The following GNG7 variants were observed in gnomAD, a reference collection of about 807,000 sequenced individuals.
The protein encoded by GNG7 is G protein subunit gamma 7.
In GNG7, 1 loss-of-function variant was observed where a neutral mutation model predicts 4.0. The ratio of observed to expected loss-of-function variants is 0.25; its 90% CI spans 0.09 to 1.18. The LOEUF is 1.18. GNG7 is among the 50% of genes most tolerant of loss of function. The pLI is 0.50. For missense variants in GNG7, 86 were observed against 91.9 expected (o/e 0.94, Z 0.26); for synonymous variants, 34 against 36.9 (o/e 0.92, Z 0.29).
intron 2 of GNG7, among the ~76,000 whole-genome samples, chr19:2,596,672 C>A (rs1329890367): frequency 1.4e-5 from 2 of 146,108 alleles, no homozygotes; most frequent in Non-Finnish European, 3.0e-5. Context: ...CTGTCCCCCC[C>A]CCAAAAAAAA....
intron 2 of GNG7, among the ~76,000 whole-genome samples, chr19:2,584,950 A>T (rs1219626421): frequency 1.6e-5 from 1 of 64,314 alleles, no homozygotes; most frequent in Admixed American, 1.7e-4. Flanking sequence ...GAGGGAGGGA[A>T]GGAAGGAAAG....
intron 2 of GNG7, among the ~76,000 whole-genome samples, chr19:2,584,575 C>T (rs944355894): frequency 5.2e-5 from 7 of 134,142 alleles, no homozygotes; most frequent in African/African-American, 1.7e-4. Flanking sequence ...CCAGCCTGGG[C>T]GACAGGGCAG....
chr19:2,650,820 G>A lies in GNG7; in HGVS notation c.-134-4540C>T, dbSNP rs941631676. Among the ~76,000 whole-genome samples, 11 of 152,304 alleles carry A rather than the reference G, an allele frequency of 7.2e-5. No homozygotes were observed. The East Asian group carries it at 1.7e-3, about 24-fold the overall frequency. ...TTCCCTGTGTGGACAAATCACAATCGACCCGGGCGGCCAGCAGTGGAGACA... is the reference window on the plus strand; with the variant it reads ...TTCCCTGTGTGGACAAATCACAATCAACCCGGGCGGCCAGCAGTGGAGACA... On this transcript the variant is annotated intron_variant, in intron 1 of 4. Coordinates refer to ENST00000382159, the MANE Select transcript of GNG7 (RefSeq NM_052847.3).
intron 2 of GNG7, among the ~76,000 whole-genome samples, chr19:2,580,076 C>G (rs1257286507): frequency 6.6e-6 from 1 of 152,112 alleles, no homozygotes; most frequent in African/African-American, 2.4e-5. Flanking sequence ...AGGACCCACT[C>G]AATAAACACT....
At chr19:2,518,166 G>A (rs1450233842) in intron 4 of GNG7, among the ~76,000 whole-genome samples, 1 of 152,160 alleles carries the variant, frequency 6.6e-6, no homozygotes, top group African/African-American at 2.4e-5. Context: ...GAGGTTCTGT[G>A]GTTCTGGTCG....
rs373500902 is a variant in GNG7, at chr19:2,614,176, G to A, written c.-78+32048C>T. On this transcript the variant is annotated intron_variant, in intron 2 of 4. Transcript: ENST00000382159. This position sits in a 1 kb window ranked among gnomAD's most constrained non-coding sequence, Gnocchi z 6.0. ...TCAAGAGGCTCGAGAGGTCCCAGGA[G>A]GGCGGGAAGAGAGTTCCCCCAGCTA... Among the ~76,000 whole-genome samples, 17 of 152,288 alleles carry A rather than the reference G, an allele frequency of 1.1e-4. 1 individual carries two copies. Among genetic ancestry groups the A allele is most frequent in the African/African-American group, 4.1e-4 (17 of 41,562 alleles).
intron 2 of GNG7, among the ~76,000 whole-genome samples, chr19:2,575,414 C>G (rs976390577): frequency 2.0e-5 from 3 of 152,248 alleles, no homozygotes; most frequent in African/African-American, 7.2e-5. Context: ...ATCTGGAAAG[C>G]TCCAGGGAAG....
At chr19:2,676,441 A>G (rs1464933354) in intron 1 of GNG7, among the ~76,000 whole-genome samples, 1 of 152,128 alleles carries the variant, frequency 6.6e-6, no homozygotes, top group South Asian at 2.1e-4. Context: ...CCTCAGCGAT[A>G]TATCTCTGCC....
intron 3 of GNG7, among the ~76,000 whole-genome samples, chr19:2,552,856 C>T (rs10411654): frequency 0.018 from 2,414 of 134,304 alleles, 101 homozygotes; most frequent in African/African-American, 0.063. Context: ...GCTCCACCCC[C>T]CCCACCTCCC....
chr19:2,544,073 A>C (rs1338092993), intron 3 of GNG7, among the ~76,000 whole-genome samples: 1 of 152,154 alleles, frequency 6.6e-6, no homozygotes, highest in African/African-American at 2.4e-5. Context: ...CAGATTTGGC[A>C]GGAGGGGAGA....
At chr19:2,530,431 C>G (rs1170005195) in intron 3 of GNG7, among the ~76,000 whole-genome samples, 1 of 145,378 alleles carries the variant, frequency 6.9e-6, no homozygotes, top group Non-Finnish European at 1.5e-5. Flanking sequence ...GAAAAAAAAG[C>G]TGGACAGGGC....
rs774455836 is a variant in GNG7, at chr19:2,546,957, C to T, written c.-38+8192G>A. On this transcript the variant is annotated intron_variant, in intron 3 of 4. Transcript: ENST00000382159. The surrounding 1 kb of genome is among the most constrained non-coding windows in gnomAD (Gnocchi z 6.3). The stretch of plus-strand genomic sequence containing the variant: ...CCTGGCCCCGGGCCAGGGCAAGGGG[C>T]AGCGCCGGCCTCGTGACGGTGGTGC... 2.6e-5 allele frequency among the ~76,000 whole-genome samples: 4 copies of T among 152,102 alleles called. No individual in the cohort carries two copies. Among genetic ancestry groups the T allele is most frequent in the Non-Finnish European group, 4.4e-5 (3 of 68,010 alleles).
intron 3 of GNG7, among the ~76,000 whole-genome samples, chr19:2,522,057 A>G (rs8103352): frequency 1 from 151,719 of 152,260 alleles, 75,590 homozygotes; most frequent in Middle Eastern, 1. Context: ...TCATCTGGGG[A>G]TGACTCTGCC....
intron 1 of GNG7, among the ~76,000 whole-genome samples, chr19:2,671,497 G>A (rs1983451112): frequency 6.6e-6 from 1 of 152,062 alleles, no homozygotes. Context: ...CCGCCTCCCC[G>A]AGACCCGAGA....
At chr19:2,573,190 T>A (rs1980203235) in intron 2 of GNG7, among the ~76,000 whole-genome samples, 1 of 150,482 alleles carries the variant, frequency 6.6e-6, no homozygotes, top group African/African-American at 2.4e-5. Context: ...CCCGGCTAAT[T>A]TTTTGTATTT....
chr19:2,570,463 C>T (rs74562660), intron 2 of GNG7, among the ~76,000 whole-genome samples: 27,390 of 152,130 alleles, frequency 0.18, 2,696 homozygotes, highest in African/African-American at 0.26. Flanking sequence ...CCTTTCCAGC[C>T]ACATGTGGAT....
intron 1 of GNG7, among the ~76,000 whole-genome samples, chr19:2,648,051 C>T (rs918947107): frequency 1.6e-5 from 2 of 123,452 alleles, no homozygotes; most frequent in African/African-American, 5.9e-5. Flanking sequence ...AAAAAAAAAG[C>T]CACTTGGGAT....
At chr19:2,599,202 C>T (rs1419552854) in intron 2 of GNG7, among the ~76,000 whole-genome samples, 1 of 152,148 alleles carries the variant, frequency 6.6e-6, no homozygotes, top group East Asian at 1.9e-4. Context: ...AGCCTGCCTG[C>T]TTTGCTGTCC....
At chr19:2,616,972 A>G (rs74862533) in intron 2 of GNG7, among the ~76,000 whole-genome samples, 5,950 of 152,240 alleles carry the variant, frequency 0.039, 132 homozygotes, top group Middle Eastern at 0.092. Context: ...ACTGTGAATG[A>G]AAGTGTCTTG....
Sources: allele counts gnomAD v4.1 joint callset (sites outside exome capture counted in the v4.1 genomes callset), GRCh38; gene constraint gnomAD v4.1.1; non-coding constraint Gnocchi (gnomAD v3.1); transcripts MANE v1.5; gene names NCBI Gene and HGNC (gene_info 2026-07-23, HGNC 2026-07-21).